The following TRAIP variants were observed in gnomAD, a reference collection of about 807,000 sequenced individuals.
The protein encoded by TRAIP is TRAF interacting protein.
TRAIP carries 37 observed loss-of-function variants against 65.0 expected under a neutral mutation model. The observed-to-expected ratio is 0.57, with a 90% CI of 0.44 to 0.75. The LOEUF is 0.75. TRAIP is among the 30% of genes least tolerant of loss of function. The pLI, the probability that TRAIP is intolerant of heterozygous loss-of-function variation, is 0.00. For synonymous variants in TRAIP, 187 were observed against 219.1 expected (o/e 0.85, Z 1.29); for missense variants, 481 against 579.4 (o/e 0.83, Z 1.74).
At chr3:49,846,074 G>A (rs1219581912) in intron 3 of TRAIP, among the ~76,000 whole-genome samples, 1 of 152,162 alleles carries the variant, frequency 6.6e-6, no homozygotes. Context: ...TTTAGATTAG[G>A]AGGGGAAGCA....
intron 3 of TRAIP, among the ~76,000 whole-genome samples, chr3:49,845,396 G>A (rs930415442): frequency 6.6e-6 from 1 of 152,234 alleles, no homozygotes; most frequent in Non-Finnish European, 1.5e-5. Flanking sequence ...GTAGCTAGAT[G>A]GAATCCAGGC....
At position 49,829,475 on chromosome 3, in the gene TRAIP, T is replaced by C; in HGVS notation, c.1270A>G (p.Thr424Ala). The C allele has an allele frequency of 6.2e-7, 1 of 1,613,952 alleles. No homozygotes were observed. The highest frequency in any genetic ancestry group is 1.1e-5 in the South Asian group (1 of 91,068). The change falls in exon 14 of 15, where the codon ACA becomes GCA. Residue 424 changes from threonine (T) to alanine (A), a missense_variant. Thr to Ala is a moderately conservative substitution (Grantham distance 58). Transcript: ENST00000331456. Reference protein sequence around the residue: ...RTGFDGLGGRTKFIQPTDTVM... With the variant: ...RTGFDGLGGRAKFIQPTDTVM... ...AAGGATACAGGCTGGATGAATTTTG[T>C]CCGGCCACCGAGCCCATCGAAGCCT...
intron 3 of TRAIP, among the ~76,000 whole-genome samples, chr3:49,845,503 C>T (rs191094899): frequency 6.6e-5 from 10 of 152,328 alleles, no homozygotes; most frequent in Non-Finnish European, 5.9e-5. Context: ...TAAACAAGCC[C>T]CTACTGTCAA....
intron 3 of TRAIP, among the ~76,000 whole-genome samples, chr3:49,844,839 T>C (rs1470279144): frequency 1.3e-5 from 2 of 152,222 alleles, no homozygotes; most frequent in Admixed American, 6.5e-5. Context: ...AGAGGTAGAA[T>C]AGTGGAAGGG....
Position 49,829,148 on chromosome 3 carries a change from C to A in TRAIP, c.1365G>T (p.Val455=), listed in dbSNP as rs2081708972. 1.2e-6 allele frequency: 2 copies of A among 1,614,120 alleles called. No individual in the cohort carries two copies. The highest frequency in any genetic ancestry group is 1.3e-5 in the African/African-American group (1 of 74,934). Residue 455 remains valine (V), a synonymous_variant, in exon 15 of 15, where the codon GTG becomes GTT. Coordinates refer to ENST00000331456, the MANE Select transcript of TRAIP (RefSeq NM_005879.3). ...KVKQRVRVKT[V]PSLFQAKLDT... is the part of the protein sequence containing the mutation. ...CCAGCTTGGCCTGGAAGAGAGAAGGCACTGTCTTCACCCTCACCCTCTGCT... is the reference window on the plus strand; with the variant it reads ...CCAGCTTGGCCTGGAAGAGAGAAGGAACTGTCTTCACCCTCACCCTCTGCT...
chr3:49,844,761 T>C (rs191364384), intron 3 of TRAIP, among the ~76,000 whole-genome samples, 181 bp from the exon 4 acceptor site: 1 of 152,364 alleles, frequency 6.6e-6, no homozygotes, highest in Non-Finnish European at 1.5e-5. Context: ...TGTAGCTCTA[T>C]GTGCCCTTTT....
At position 49,829,235 on chromosome 3, in the gene TRAIP, C is replaced by G; in HGVS notation, c.1288-10G>C. ...TCATGACTGTGTCAGTCTGGAGGAG[C>G]TGTCAAGGAAGAGGCATGGAGAAAG... On this transcript the variant is annotated splice_polypyrimidine_tract_variant and intron_variant, in intron 14 of 14. Transcript: ENST00000331456. 6.2e-7 allele frequency: 1 copy of G among 1,614,186 alleles called. No individual in the cohort carries two copies. Among genetic ancestry groups the G allele is most frequent in the Non-Finnish European group, 8.5e-7 (1 of 1,180,028 alleles).
chr3:49,834,073 G>A (rs926149834), intron 10 of TRAIP, among the ~76,000 whole-genome samples: 2 of 152,142 alleles, frequency 1.3e-5, no homozygotes, highest in Non-Finnish European at 2.9e-5. Context: ...CTAAGGCCTT[G>A]AGCAGCCCAT....
intron 1 of TRAIP, among the ~76,000 whole-genome samples, chr3:49,849,034 AG>A (rs1221513999): frequency 2.0e-5 from 3 of 151,976 alleles, no homozygotes; most frequent in Non-Finnish European, 1.5e-5. Flanking sequence ...TAGTAGAGAC[AG>A]GGTTTCACCA....
intron 1 of TRAIP, among the ~76,000 whole-genome samples, chr3:49,853,512 T>C (rs961526040): frequency 1.3e-5 from 2 of 152,136 alleles, no homozygotes; most frequent in Non-Finnish European, 2.9e-5. Context: ...AAAAGACAGC[T>C]GAAGTGGCTA....
intron 10 of TRAIP, among the ~76,000 whole-genome samples, chr3:49,837,864 G>T (rs2081802354): frequency 6.8e-6 from 1 of 148,126 alleles, no homozygotes; most frequent in Non-Finnish European, 1.5e-5. Context: ...CTACAGGTGT[G>T]AGCCACCACG....
At chr3:49,842,749 C>A (rs148349093) in intron 5 of TRAIP, among the ~76,000 whole-genome samples, 1,622 of 152,304 alleles carry the variant, frequency 0.011, 27 homozygotes, top group Middle Eastern at 0.041. Flanking sequence ...TCTAAGCCAG[C>A]TGCTTCTTCA....
rs141243017 is a variant in TRAIP, at chr3:49,841,044, T to C, written c.646A>G (p.Lys216Glu). ...TTGTCAGCCACCTCCCCTGAGGCCT[T>C]CCGTGCCTCTTTTAGATTCTCGTAC... ...KEYENLKEAR[K>E]ASGEVADKLR... Residue 216 changes from lysine (K) to glutamate (E), a missense_variant, in exon 8 of 15, where the codon AAG becomes GAG. Coordinates refer to ENST00000331456, the MANE Select transcript of TRAIP (RefSeq NM_005879.3). 1 of 1,614,196 alleles carries C rather than the reference T, an allele frequency of 6.2e-7. No individual in the cohort carries two copies. The highest frequency in any genetic ancestry group is 8.5e-7 in the Non-Finnish European group (1 of 1,180,026).
At chr3:49,850,413 C>T (rs983191104) in intron 1 of TRAIP, among the ~76,000 whole-genome samples, 3 of 151,230 alleles carry the variant, frequency 2.0e-5, no homozygotes, top group Admixed American at 1.3e-4. Flanking sequence ...GCAGAAGAAT[C>T]GTTTGAACCT....
At chr3:49,831,837 G>A in intron 11 of TRAIP, 79 bp downstream of exon 11, 4 of 1,403,398 alleles carry the variant, frequency 2.9e-6, no homozygotes, top group Non-Finnish European at 3.7e-6. Context: ...GCCACTCAGA[G>A]CTAACAGCAC....
At chr3:49,845,766 G>T (rs576528344) in intron 3 of TRAIP, among the ~76,000 whole-genome samples, 1 of 152,334 alleles carries the variant, frequency 6.6e-6, no homozygotes, top group South Asian at 2.1e-4. Context: ...GGCTTTGAAA[G>T]CTGGAAATAA....
intron 4 of TRAIP, 34 bp from the exon 5 acceptor site, chr3:49,843,962 AG>A (rs771686883): frequency 1.1e-5 from 17 of 1,580,798 alleles, no homozygotes; most frequent in Non-Finnish European, 1.4e-5. Flanking sequence ...GGAAAGGGAA[AG>A]GCCTGTCCAT....
intron 1 of TRAIP, among the ~76,000 whole-genome samples, chr3:49,850,791 G>A (rs1480776583): frequency 6.7e-6 from 1 of 150,322 alleles, no homozygotes; most frequent in Non-Finnish European, 1.5e-5. Flanking sequence ...AGTAGCTGGG[G>A]TTACGGGTGC....
intron 3 of TRAIP, 24 bp downstream of exon 3, chr3:49,847,501 T>C (rs1365244478): frequency 1.3e-6 from 2 of 1,521,544 alleles, no homozygotes; most frequent in Non-Finnish European, 1.8e-6. Flanking sequence ...TGGAGTTCAG[T>C]AGAATCAGAT....
Sources: gnomAD v4.1 joint callset for allele counts (sites outside exome capture counted in the v4.1 genomes callset) on GRCh38, gnomAD v4.1.1 for gene constraint, MANE v1.5 for transcripts, NCBI Gene and HGNC (gene_info 2026-07-23, HGNC 2026-07-21) for gene names.